Variants in DLG2 observed in about 807,000 individuals in gnomAD.
DLG2 encodes the protein disks large homolog 2.
DLG2 carries 45 observed loss-of-function variants against 132.5 expected under a neutral mutation model. That is an observed-to-expected ratio of 0.34 (90% CI 0.27 to 0.44). The LOEUF (loss-of-function observed/expected upper bound fraction) is 0.44, where lower values mean the gene tolerates loss of function less well. DLG2 is among the 20% of genes least tolerant of loss of function. DLG2 has a pLI of 1.00. For missense variants in DLG2, 1,045 were observed against 1,196.9 expected (o/e 0.87, Z 1.87); for synonymous variants, 424 against 419.6 (o/e 1.01, Z -0.13).
At chr11:83,968,510 G>C (rs1298789762) in intron 12 of DLG2, among the ~76,000 whole-genome samples, 1 of 152,158 alleles carries the variant, frequency 6.6e-6, no homozygotes, top group Non-Finnish European at 1.5e-5. Flanking sequence ...AGATATTAGA[G>C]ATATGATAAA....
At chr11:84,059,286 T>A in intron 11 of DLG2, 29 bp downstream of exon 11, 1 of 1,607,504 alleles carries the variant, frequency 6.2e-7, no homozygotes, top group South Asian at 1.1e-5. Flanking sequence ...TTGTCACTAG[T>A]GTCTGTGAGT....
In DLG2 at chr11:83,637,059, A is replaced by G. The variant is rs1404607157; in HGVS notation, c.1826-3734T>C. Among the ~76,000 whole-genome samples, 6 of 152,294 alleles carry G rather than the reference A, an allele frequency of 3.9e-5. No individual in the cohort carries two copies. The South Asian group carries it at 8.3e-4, about 21-fold the overall frequency. The stretch of plus-strand genomic sequence containing the variant: ...CTGTGGCGGCAGAGCTCTGTCTCCA[A>G]CTTCTTGGAGATAAACAAGTTCATA... On this transcript the variant is annotated intron_variant, in intron 18 of 27. Transcript: ENST00000376104.
At chr11:83,524,492 C>T (rs561846413) in intron 21 of DLG2, among the ~76,000 whole-genome samples, 1 of 152,048 alleles carries the variant, frequency 6.6e-6, no homozygotes, top group Non-Finnish European at 1.5e-5. Context: ...GGTCCTGGGT[C>T]AGGTCTTTTC....
chr11:84,189,946 T>C (rs2154289919), intron 8 of DLG2, among the ~76,000 whole-genome samples: 1 of 150,548 alleles, frequency 6.6e-6, no homozygotes, highest in South Asian at 2.1e-4. Flanking sequence ...ATGTAACAAC[T>C]CTGCACATCC....
chr11:83,544,509 T>C (rs1162153614), intron 19 of DLG2, among the ~76,000 whole-genome samples: 1 of 152,044 alleles, frequency 6.6e-6, no homozygotes, highest in Non-Finnish European at 1.5e-5. Flanking sequence ...CCAGAATATA[T>C]AGCTTAGTGG....
chr11:84,451,656 T>C (rs895281001), intron 7 of DLG2, among the ~76,000 whole-genome samples: 1 of 151,782 alleles, frequency 6.6e-6, no homozygotes, highest in African/African-American at 2.4e-5. Context: ...AACCTGTTTA[T>C]AAGCAATGGG....
intron 7 of DLG2, among the ~76,000 whole-genome samples, chr11:84,320,600 A>G (rs1200710740): frequency 1.3e-5 from 2 of 152,200 alleles, no homozygotes; most frequent in African/African-American, 4.8e-5. Flanking sequence ...ATCCAAGCAC[A>G]TTTCCTTCAA....
intron 7 of DLG2, among the ~76,000 whole-genome samples, chr11:84,427,362 A>AT (rs1178611365): frequency 6.6e-6 from 1 of 152,148 alleles, no homozygotes; most frequent in Non-Finnish European, 1.5e-5. Context: ...GGTTATCACC[A>AT]TTTTTAATAC....
intron 6 of DLG2, among the ~76,000 whole-genome samples, chr11:84,873,950 A>G (rs2085905580): frequency 1.3e-5 from 2 of 152,232 alleles, no homozygotes; most frequent in Admixed American, 6.5e-5. Flanking sequence ...TCTGAACGAC[A>G]TCACCCTTCA....
chr11:85,067,336 C>G (rs1477594148), intron 6 of DLG2, among the ~76,000 whole-genome samples: 2 of 151,866 alleles, frequency 1.3e-5, no homozygotes, highest in African/African-American at 4.8e-5. Flanking sequence ...TTTTGTGTCT[C>G]TATCTCCTTC....
chr11:85,117,904 G>A (rs1436611184), intron 5 of DLG2, among the ~76,000 whole-genome samples: 2 of 151,884 alleles, frequency 1.3e-5, no homozygotes, highest in African/African-American at 4.8e-5. Flanking sequence ...TCATTTAGAG[G>A]GCAGGGTAAG....
In DLG2 at chr11:83,469,356, G is replaced by T; in HGVS notation, c.2464C>A (p.Arg822=). Residue 822 remains arginine (R), a synonymous_variant, in exon 25 of 28, where the codon CGA becomes AGA. Coordinates refer to ENST00000376104, the MANE Select transcript of DLG2 (RefSeq NM_001142699.3). ...SCVPHTTRPK[R]DYEVDGRDYH... ...TCTCTGCCATCCACCTCGTAGTCTC[G>T]CTTTGGCCTCGTAGTATCTTTATAA... 4 of 1,611,106 alleles carry T rather than the reference G, an allele frequency of 2.5e-6. No individual in the cohort carries two copies. Among genetic ancestry groups the T allele is most frequent in the Non-Finnish European group, 2.5e-6 (3 of 1,178,994 alleles).
At chr11:85,421,726 GGTTTTTT>G (rs1218680184) in intron 3 of DLG2, among the ~76,000 whole-genome samples, 2 of 151,602 alleles carry the variant, frequency 1.3e-5, no homozygotes, top group East Asian at 3.9e-4. Context: ...TGTATACCTT[GGTTTTTT>G]GTTTTTTGTT....
At chr11:85,516,525 G>A (rs960621857) in intron 3 of DLG2, among the ~76,000 whole-genome samples, 1 of 151,972 alleles carries the variant, frequency 6.6e-6, no homozygotes, top group Admixed American at 6.6e-5. Context: ...GTAAACAAAA[G>A]TGATAGAACA....
intron 18 of DLG2, among the ~76,000 whole-genome samples, chr11:83,709,889 C>G (rs2084984733): frequency 6.6e-6 from 1 of 152,190 alleles, no homozygotes; most frequent in Non-Finnish European, 1.5e-5. Flanking sequence ...GATACAGCCT[C>G]TAAAAATCAG....
intron 9 of DLG2, among the ~76,000 whole-genome samples, chr11:84,111,176 G>A (rs1460261499): frequency 2.0e-5 from 3 of 152,168 alleles, no homozygotes; most frequent in Admixed American, 6.5e-5. Context: ...GGATTGCATA[G>A]TACCTGTACA....
chr11:85,173,329 A>G (rs1453144799), intron 4 of DLG2, among the ~76,000 whole-genome samples: 1 of 152,230 alleles, frequency 6.6e-6, no homozygotes, highest in African/African-American at 2.4e-5. Context: ...CAACATTCTT[A>G]AAGAAAAGTA....
chr11:83,528,865 G>C (rs770045908), intron 21 of DLG2, among the ~76,000 whole-genome samples: 14 of 152,088 alleles, frequency 9.2e-5, no homozygotes, highest in Non-Finnish European at 1.8e-4. Flanking sequence ...GCAGCACTCG[G>C]TGTTATTGCA....
At chr11:83,767,828 T>C (rs1251469782) in intron 18 of DLG2, among the ~76,000 whole-genome samples, 1 of 152,168 alleles carries the variant, frequency 6.6e-6, no homozygotes, top group African/African-American at 2.4e-5. Flanking sequence ...TTATAACTTG[T>C]CCATCAAAAT....
Sources: allele counts gnomAD v4.1 joint callset (sites outside exome capture counted in the v4.1 genomes callset), GRCh38; gene constraint gnomAD v4.1.1; transcripts MANE v1.5; gene names NCBI Gene and HGNC (gene_info 2026-07-23, HGNC 2026-07-21).